Variants in IL1RAPL2 observed in about 807,000 individuals in gnomAD.
IL1RAPL2 encodes interleukin 1 receptor accessory protein like 2.
A neutral mutation model predicts 44.1 loss-of-function variants in IL1RAPL2; 3 were observed. The observed-to-expected ratio is 0.07, with a 90% CI of 0.03 to 0.18. IL1RAPL2 has a LOEUF of 0.18. Among genes scored for constraint, IL1RAPL2 ranks in the 10% least tolerant of loss-of-function variants. The probability of loss-of-function intolerance (pLI) is 1.00; values close to 1 mark genes in which losing one functional copy is unlikely to be tolerated. For synonymous variants in IL1RAPL2, 181 were observed against 178.8 expected (o/e 1.01, Z -0.10); for missense variants, 391 against 496.4 (o/e 0.79, Z 2.02).
chrX:105,325,089 T>G (rs1004701325), intron 5 of IL1RAPL2, among the ~76,000 whole-genome samples: 4 of 111,698 alleles, frequency 3.6e-5, no homozygotes, highest in Non-Finnish European at 7.5e-5. Context: ...TACAGTTCAG[T>G]GGGTTTTTGT....
Position 104,580,424 on chromosome X carries a change from T to C in IL1RAPL2, c.-20+13373T>C, listed in dbSNP as rs757094098. 1.2e-4 allele frequency among the ~76,000 whole-genome samples: 14 copies of C among 112,866 alleles called. No homozygotes were observed. In the South Asian group the frequency reaches 5.1e-3, roughly 41 times the overall value. On this transcript the variant is annotated intron_variant, in intron 1 of 10. Coordinates refer to ENST00000372582, the MANE Select transcript of IL1RAPL2 (RefSeq NM_017416.2). ...TGCTTTACAATGTCAACAAGAGGGA[T>C]CCATTAATTTATAGTTTTGTGTTTG...
intron 6 of IL1RAPL2, among the ~76,000 whole-genome samples, chrX:105,610,034 A>T (rs1185737419): frequency 8.9e-6 from 1 of 111,970 alleles, no homozygotes; most frequent in African/African-American, 3.2e-5. Flanking sequence ...ATGTGAACAG[A>T]AAAGAGGCTG....
At chrX:104,817,930 G>GT (rs2051041834) in intron 2 of IL1RAPL2, among the ~76,000 whole-genome samples, 1 of 111,083 alleles carries the variant, frequency 9.0e-6, no homozygotes, top group African/African-American at 3.3e-5. Flanking sequence ...TGAGCAACTG[G>GT]TCCTGTGGTA....
chrX:105,648,856 G>A (rs1362017288), intron 6 of IL1RAPL2, among the ~76,000 whole-genome samples: 1 of 111,216 alleles, frequency 9.0e-6, no homozygotes, highest in Admixed American at 9.5e-5. Flanking sequence ...AGGAATAACA[G>A]GGCAAGGTTA....
intron 2 of IL1RAPL2, among the ~76,000 whole-genome samples, chrX:105,117,151 A>G (rs2032870571): frequency 8.9e-6 from 1 of 112,413 alleles, no homozygotes; most frequent in Admixed American, 9.4e-5. Flanking sequence ...AGTCTTAAAA[A>G]AGAACATAGC....
chrX:105,195,701 T>G lies in IL1RAPL2; in HGVS notation c.309T>G (p.Phe103Leu). 1 of 1,211,824 alleles carries G rather than the reference T, an allele frequency of 8.3e-7. No individual in the cohort carries two copies. Among genetic ancestry groups the G allele is most frequent in the African/African-American group, 1.7e-5 (1 of 57,861 alleles). Residue 103 changes from phenylalanine to leucine, a missense_variant, in exon 3 of 11, where the codon TTT becomes TTG. This residue lies in a region of IL1RAPL2 where 159 missense variants were observed against 251.7 expected (regional missense o/e 0.63). Transcript: ENST00000372582. Reference protein sequence around the residue: ...RMSKEEDSIWFHSAEAQDSGF... With the variant: ...RMSKEEDSIWLHSAEAQDSGF... ...GCAAAGAGGAAGATTCAATATGGTTTCACTCAGCTGAGGCACAAGACAGTG... is the reference window on the plus strand; with the variant it reads ...GCAAAGAGGAAGATTCAATATGGTTGCACTCAGCTGAGGCACAAGACAGTG...
At chrX:105,073,543 C>G (rs973786712) in intron 2 of IL1RAPL2, among the ~76,000 whole-genome samples, 2 of 110,887 alleles carry the variant, frequency 1.8e-5, no homozygotes. Context: ...GATTTATAAT[C>G]CTTTGGGTAT....
chrX:104,885,605 A>T, intron 2 of IL1RAPL2, among the ~76,000 whole-genome samples: 1 of 111,809 alleles, frequency 8.9e-6, no homozygotes, highest in Non-Finnish European at 1.9e-5. Flanking sequence ...AGGCATTATT[A>T]AACCTGGCAA....
At chrX:104,830,420 T>C (rs1176255452) in intron 2 of IL1RAPL2, among the ~76,000 whole-genome samples, 1 of 111,916 alleles carries the variant, frequency 8.9e-6, no homozygotes, top group East Asian at 2.8e-4. Flanking sequence ...ACTATCTTAC[T>C]AGGTGACAGC....
At chrX:105,457,284 A>G in intron 5 of IL1RAPL2, among the ~76,000 whole-genome samples, 1 of 111,700 alleles carries the variant, frequency 9.0e-6, no homozygotes, top group East Asian at 2.8e-4. Context: ...ACTATTTATA[A>G]ATGCACAATT....
chrX:105,627,235 A>G (rs1464938903), intron 6 of IL1RAPL2, among the ~76,000 whole-genome samples: 1 of 111,586 alleles, frequency 9.0e-6, no homozygotes, highest in African/African-American at 3.3e-5. Flanking sequence ...TTATATTTAA[A>G]TATTATCTTC....
intron 2 of IL1RAPL2, among the ~76,000 whole-genome samples, chrX:105,009,900 A>G (rs2031019487): frequency 9.0e-6 from 1 of 110,603 alleles, no homozygotes; most frequent in South Asian, 3.8e-4. Context: ...ATCTCTACCT[A>G]CTACCTTAAA....
chrX:105,125,588 T>A (rs1173334640), intron 2 of IL1RAPL2, among the ~76,000 whole-genome samples: 1 of 111,675 alleles, frequency 9.0e-6, no homozygotes, highest in Non-Finnish European at 1.9e-5. Context: ...GTTCTCTGAT[T>A]ATGTTTAAGA....
intron 6 of IL1RAPL2, among the ~76,000 whole-genome samples, chrX:105,506,972 A>C (rs1020045088): frequency 8.9e-6 from 1 of 111,915 alleles, no homozygotes; most frequent in Non-Finnish European, 1.9e-5. Context: ...AATGTAATCT[A>C]TTCTTGAATT....
intron 2 of IL1RAPL2, among the ~76,000 whole-genome samples, chrX:104,679,831 C>T (rs776115882): frequency 8.9e-6 from 1 of 111,742 alleles, no homozygotes. Flanking sequence ...ATAAAATTAA[C>T]ATGTTGATTT....
rs182836408 is a variant in IL1RAPL2 at position 104,688,368 on chromosome X, G to A, written c.82+29373G>A. Among the ~76,000 whole-genome samples the A allele has an allele frequency of 2.9e-3, 318 of 110,897 alleles. 2 individuals are homozygous for A. Among genetic ancestry groups the A allele is most frequent in the Non-Finnish European group, 5.5e-3 (289 of 52,975 alleles). On this transcript the variant is annotated intron_variant, in intron 2 of 10. Transcript: ENST00000372582. ...TAACATGTATTATGAATTTCAAGAG[G>A]GACATGGAGTATCCTGCTTTTTTTT...
intron 1 of IL1RAPL2, among the ~76,000 whole-genome samples, chrX:104,650,648 A>T (rs1930136419): frequency 9.0e-6 from 1 of 111,595 alleles, no homozygotes; most frequent in Non-Finnish European, 1.9e-5. Context: ...AAAAAAAACC[A>T]CTTATTTTAC....
chrX:105,178,875 GTGTATTCTGGA>G (rs1306319023), intron 2 of IL1RAPL2, among the ~76,000 whole-genome samples: 1 of 111,335 alleles, frequency 9.0e-6, no homozygotes, highest in Admixed American at 9.6e-5. Context: ...TGAGTTCCTT[GTGTATTCTGGA>G]TTAACTAGTC....
At chrX:104,952,857 A>C (rs1386183920) in intron 2 of IL1RAPL2, among the ~76,000 whole-genome samples, 1 of 112,180 alleles carries the variant, frequency 8.9e-6, no homozygotes, top group African/African-American at 3.2e-5. Context: ...TCTGTTCAGA[A>C]CTCATAATGG....
Sources: gnomAD v4.1 joint callset for allele counts (sites outside exome capture counted in the v4.1 genomes callset) on GRCh38, gnomAD v4.1.1 for gene constraint, gnomAD v4.1.1 regional missense constraint, MANE v1.5 for transcripts, NCBI Gene and HGNC (gene_info 2026-07-23, HGNC 2026-07-21) for gene names.